The following PPM1F variants were observed in gnomAD, a reference collection of about 807,000 sequenced individuals.
PPM1F encodes the protein protein phosphatase, Mg2+/Mn2+ dependent 1F.
A neutral mutation model predicts 35.5 loss-of-function variants in PPM1F; 17 were observed. The observed-to-expected ratio is 0.48, with a 90% CI of 0.33 to 0.72. PPM1F has a LOEUF of 0.72. Among genes scored for constraint, PPM1F ranks in the 30% least tolerant of loss-of-function variants. The pLI, the probability that PPM1F is intolerant of heterozygous loss-of-function variation, is 0.02. For synonymous variants in PPM1F, 241 were observed against 255.5 expected (o/e 0.94, Z 0.54); for missense variants, 521 against 613.0 (o/e 0.85, Z 1.59).
rs2070632466 is a variant in PPM1F, at chr22:21,934,282, C to T, written c.356-56G>A. The T allele has an allele frequency of 2.7e-6, 4 of 1,461,424 alleles. No homozygotes were observed. In the Admixed American group the frequency reaches 8.1e-5, roughly 30 times the overall value. 90.5% of individuals were successfully genotyped at this position (1,461,424 alleles called of 1,614,324 possible). A position where few individuals can be genotyped will look rare whatever the true frequency, so the allele number is the denominator to read the frequency against. On this transcript the variant is annotated intron_variant, in intron 3 of 7. Transcript: ENST00000263212. ...AAGTGCCAACCAAGCCAGCTGAGGC[C>T]TCGCTGGCTCCCTGACAGCTCCCAC...
rs2070444678 is a variant in PPM1F, at chr22:21,921,250, A to G, written c.*1842T>C. The G allele has an allele frequency of 1.3e-5, 2 of 152,006 alleles. No individual in the cohort carries two copies. Among genetic ancestry groups the G allele is most frequent in the South Asian group, 4.2e-4 (2 of 4,816 alleles). 9.4% of individuals were successfully genotyped at this position (152,006 alleles called of 1,614,324 possible). A position where few individuals can be genotyped will look rare whatever the true frequency, so the allele number is the denominator to read the frequency against. On this transcript the variant is annotated 3_prime_UTR_variant, in exon 8 of 8. Transcript: ENST00000263212. ...CAAGGTGCTTGGGGCACAGCTGTGC[A>G]AACCTTCCTGGGGCTCTCGCTGTCT...
At chr22:21,924,128 G>A (rs1282951080) in intron 7 of PPM1F, among the ~76,000 whole-genome samples, 2 of 152,126 alleles carry the variant, frequency 1.3e-5, no homozygotes, top group Non-Finnish European at 2.9e-5. Context: ...TGTTTCAGAG[G>A]GGTAGGTGCC....
At chr22:21,929,245 T>G (rs1186892290) in intron 6 of PPM1F, among the ~76,000 whole-genome samples, 1 of 152,106 alleles carries the variant, frequency 6.6e-6, no homozygotes, top group East Asian at 1.9e-4. Context: ...CTACAGAGCA[T>G]GGCGGCAGGA....
At chr22:21,930,778 G>T (rs1258793940) in intron 6 of PPM1F, among the ~76,000 whole-genome samples, 1 of 152,160 alleles carries the variant, frequency 6.6e-6, no homozygotes, top group Non-Finnish European at 1.5e-5. Flanking sequence ...CCCAAGCCAG[G>T]TTCCCTCCAG....
intron 5 of PPM1F, 113 bp from the exon 6 acceptor site, chr22:21,931,404 G>T: frequency 9.4e-7 from 1 of 1,060,516 alleles, no homozygotes; most frequent in Non-Finnish European, 1.3e-6. Context: ...CTGTGGTGAG[G>T]AATCCACAGG....
At chr22:21,938,415 T>G in intron 3 of PPM1F, 1 of 1,156,458 alleles carries the variant, frequency 8.6e-7, no homozygotes. Context: ...TCCCAGGGAA[T>G]GCGGGCAGGG....
rs1309237568 is a variant in PPM1F, at chr22:21,934,062, C to T, written c.520G>A (p.Val174Met). 3.2e-6 allele frequency: 5 copies of T among 1,564,498 alleles called. No homozygotes were observed. Among genetic ancestry groups the T allele is most frequent in the Non-Finnish European group, 4.3e-6 (5 of 1,154,158 alleles). Reference sequence around the variant, plus strand: ...AGCTGGTTGAAGGAAGGGAGGGACACGTGCCGGTCCTCCATCTTGCGGCGA... The same window carrying T: ...AGCTGGTTGAAGGAAGGGAGGGACATGTGCCGGTCCTCCATCTTGCGGCGA... ...NTRRKMEDRH[V>M]SLPSFNQLFG... The change falls in exon 4 of 8, where the codon GTG (valine) becomes ATG (methionine). Residue 174 changes from valine (V) to methionine (M), a missense_variant. Coordinates refer to ENST00000263212, the MANE Select transcript of PPM1F (RefSeq NM_014634.4).
intron 1 of PPM1F, chr22:21,947,767 GAAGT>G (rs141576576): frequency 2.6e-5 from 4 of 152,370 alleles, no homozygotes; most frequent in Non-Finnish European, 5.9e-5. Context: ...AAGAGAGTGG[GAAGT>G]AAGAGATGCA....
intron 2 of PPM1F, chr22:21,943,058 G>A (rs528378391): frequency 2.6e-5 from 4 of 152,374 alleles, no homozygotes; most frequent in South Asian, 2.1e-4. Flanking sequence ...AAACAAGAGC[G>A]GAGACAAGGC....
rs747218234 is a variant in PPM1F at position 21,923,468 on chromosome 22, T to A, written c.989A>T (p.Asp330Val). 6.3e-7 allele frequency: 1 copy of A among 1,598,658 alleles called. No individual in the cohort carries two copies. The highest frequency in any genetic ancestry group is 1.3e-5 in the African/African-American group (1 of 74,688). Residue 330 changes from aspartate (D) to valine (V), a missense_variant, in exon 8 of 8, where the codon GAT becomes GTT. Physicochemically the swap from Asp to Val is radical, Grantham distance 152. Transcript: ENST00000263212. ...AGACACGTAGGGCTTCTGGAAGACA[T>A]CCCCTGGACAGGCGGAGAAGAGCCC... Reference protein sequence around the residue: ...GTLAVSRAIGDVFQKPYVSGE... With the variant: ...GTLAVSRAIGVVFQKPYVSGE...
chr22:21,943,324 A>T (rs2070744704), intron 2 of PPM1F: 2 of 152,362 alleles, frequency 1.3e-5, no homozygotes, highest in African/African-American at 4.8e-5. Flanking sequence ...CCAAGTGCTG[A>T]CTACACCTAT....
rs369513695 is a variant in PPM1F at position 21,933,377 on chromosome 22, C to T, written c.747+14G>A. On this transcript the variant is annotated intron_variant, in intron 5 of 7. Coordinates refer to ENST00000263212, the MANE Select transcript of PPM1F (RefSeq NM_014634.4). ...CCTCCAAACTGCACCTGAGGCCCAG[C>T]GGCCAGTCCTCACCTCTCGCTTGGC... is the stretch of plus-strand genomic sequence containing the variant. 323 of 1,589,822 alleles carry T rather than the reference C, an allele frequency of 2.0e-4. No homozygotes were observed. The highest frequency in any genetic ancestry group is 1.8e-3 in the East Asian group (81 of 44,334).
intron 2 of PPM1F, among the ~76,000 whole-genome samples, chr22:21,940,203 G>A (rs59600072): frequency 0.017 from 2,628 of 152,238 alleles, 70 homozygotes; most frequent in African/African-American, 0.06. Flanking sequence ...GGCCGGGTGC[G>A]GTGGCTCACA....
chr22:21,938,128 C>T, intron 3 of PPM1F: 1 of 1,301,252 alleles, frequency 7.7e-7, no homozygotes, highest in Non-Finnish European at 1.0e-6. Flanking sequence ...TAGCTGCGCC[C>T]TCCCTCCTTC....
chr22:21,925,194 G>A (rs1458718180), intron 7 of PPM1F: 10 of 365,150 alleles, frequency 2.7e-5, no homozygotes, highest in East Asian at 8.0e-5. Context: ...CGCGCCCAGC[G>A]AACCCACTTT....
chr22:21,931,546 T>G (rs2070590790), intron 5 of PPM1F, among the ~76,000 whole-genome samples: 2 of 152,134 alleles, frequency 1.3e-5, no homozygotes, highest in South Asian at 2.1e-4. Context: ...AGAGTCTTGC[T>G]CTGTCATTCA....
intron 1 of PPM1F, chr22:21,949,795 G>C (rs959078892): frequency 6.6e-6 from 1 of 152,336 alleles, no homozygotes; most frequent in Non-Finnish European, 1.5e-5. Flanking sequence ...ACTGGCAGCT[G>C]GTTCCTCCTG....
At chr22:21,933,249 T>C in intron 5 of PPM1F, 142 bp downstream of exon 5, 4 of 769,648 alleles carry the variant, frequency 5.2e-6, no homozygotes, top group African/African-American at 1.8e-5. Flanking sequence ...CCAAGCCCCT[T>C]TAGAAAAAAT....
intron 1 of PPM1F, 166 bp downstream of exon 1, chr22:21,952,626 C>CGAAA (rs1268462300): frequency 6.6e-6 from 1 of 151,928 alleles, no homozygotes; most frequent in Admixed American, 6.6e-5. Context: ...CGCACCCTTT[C>CGAAA]GGTGCACCCA....
Sources: gnomAD v4.1 joint callset for allele counts (sites outside exome capture counted in the v4.1 genomes callset) on GRCh38, gnomAD v4.1.1 for gene constraint, MANE v1.5 for transcripts, NCBI Gene and HGNC (gene_info 2026-07-23, HGNC 2026-07-21) for gene names.